The following TARDBP variants were observed in gnomAD, a reference collection of about 807,000 sequenced individuals.
TARDBP encodes the protein TAR DNA binding protein.
A neutral mutation model predicts 38.3 loss-of-function variants in TARDBP; 4 were observed. That is an observed-to-expected ratio of 0.10 (90% confidence interval 0.05 to 0.24). The LOEUF (loss-of-function observed/expected upper bound fraction) is 0.24. Ranked by LOEUF, TARDBP falls within the 10% of genes least tolerant of loss-of-function variation. The pLI is 1.00. For synonymous variants in TARDBP, 184 were observed against 183.8 expected, an observed-to-expected ratio of 1.00 and a Z score of -0.01; for missense variants, 202 against 521.9, an observed-to-expected ratio of 0.39 and a Z score of 5.97.
In TARDBP at chr1:11,016,228, C is replaced by T. The variant is rs148791317; in HGVS notation, c.239-616C>T. 3.0e-3 allele frequency: 460 copies of T among 153,720 alleles called. 6 individuals carry two copies. Among genetic ancestry groups the T allele is most frequent in the African/African-American group, 0.011 (437 of 41,570 alleles). 9.5% of individuals were successfully genotyped at this position (153,720 alleles called of 1,614,324 possible). A position where few individuals can be genotyped will look rare whatever the true frequency, so the allele number is the denominator to read the frequency against. On this transcript the variant is annotated intron_variant, in intron 2 of 5. Transcript: ENST00000240185. ...TGCTGGGATTACAAGTGTGAGCCACCGCGCCCAGCCAGTTATGTTTTTTTA... is the reference window on the plus strand; with the variant it reads ...TGCTGGGATTACAAGTGTGAGCCACTGCGCCCAGCCAGTTATGTTTTTTTA...
At position 11,022,484 on chromosome 1, in the gene TARDBP, A is replaced by G. The variant is rs1252910746; in HGVS notation, c.1075A>G (p.Met359Val). The stretch of plus-strand genomic sequence containing the variant: ...GGGTAATAACCAAAACCAAGGCAAC[A>G]TGCAGAGGGAGCCAAACCAGGCCTT... Reference protein sequence around the residue: ...PSGNNQNQGNMQREPNQAFGS... With the variant: ...PSGNNQNQGNVQREPNQAFGS... Residue 359 changes from methionine to valine, a missense_variant, in exon 6 of 6, where the codon ATG becomes GTG. Around this residue, in one of 5 missense-constraint regions of TARDBP, gnomAD observed 107 missense variants for 190.5 expected, o/e 0.56. Coordinates refer to ENST00000240185, the MANE Select transcript of TARDBP (RefSeq NM_007375.4). This position sits in a 1 kb window ranked among gnomAD's most constrained non-coding sequence, Gnocchi z 4.5. The G allele has an allele frequency of 6.2e-6, 10 of 1,606,408 alleles. No individual in the cohort carries two copies. The highest frequency in any genetic ancestry group is 1.3e-5 in the African/African-American group (1 of 74,884).
intron 4 of TARDBP, among the ~76,000 whole-genome samples, chr1:11,019,724 G>T (rs1007973702): frequency 6.6e-6 from 1 of 151,834 alleles, no homozygotes; most frequent in South Asian, 2.1e-4. Flanking sequence ...CCACCAACAC[G>T]CCTGGCTAAT....
rs902629871 is a variant in TARDBP at position 11,023,908 on chromosome 1, A to C, written c.*1254A>C. The C allele has an allele frequency of 6.6e-6, 1 of 152,662 alleles. No individual in the cohort carries two copies. Among genetic ancestry groups the C allele is most frequent in the Non-Finnish European group, 1.5e-5 (1 of 68,082 alleles). 9.5% of individuals were successfully genotyped at this position (152,662 alleles called of 1,614,324 possible). A position where few individuals can be genotyped will look rare whatever the true frequency, so the allele number is the denominator to read the frequency against. On this transcript the variant is annotated 3_prime_UTR_variant, in exon 6 of 6. Coordinates refer to ENST00000240185, the MANE Select transcript of TARDBP (RefSeq NM_007375.4). Reference sequence around the variant, plus strand: ...GTTCACCAGTGAGCTCAGGTGTCTCAAAGAAGGGTGGAAGTTCTAATGTCT... The same window carrying C: ...GTTCACCAGTGAGCTCAGGTGTCTCCAAGAAGGGTGGAAGTTCTAATGTCT...
chr1:11,020,045 G>A (rs1643606244), intron 4 of TARDBP, among the ~76,000 whole-genome samples: 1 of 151,652 alleles, frequency 6.6e-6, no homozygotes, highest in Non-Finnish European at 1.5e-5. Context: ...TGTATTAGTA[G>A]AGGTGGGGTT....
chr1:11,027,959 C>A (rs1181311224), downstream of TARDBP, among the ~76,000 whole-genome samples: 2 of 152,152 alleles, frequency 1.3e-5, no homozygotes, highest in Non-Finnish European at 2.9e-5. Flanking sequence ...TGCAGTGTCA[C>A]ACCTGTAATC....
chr1:11,017,642 G>T (rs1433691800), intron 3 of TARDBP, among the ~76,000 whole-genome samples: 1 of 152,176 alleles, frequency 6.6e-6, no homozygotes, highest in Non-Finnish European at 1.5e-5. Context: ...AAGGCTTAAG[G>T]GAAGTAGGTG....
downstream of TARDBP, chr1:11,030,333 T>C: frequency 1.1e-6 from 1 of 945,612 alleles, no homozygotes; most frequent in Non-Finnish European, 1.7e-6. Flanking sequence ...TTGAAAAATG[T>C]TGATTCTTGA....
chr1:11,028,217 C>CAGA (rs572388127), downstream of TARDBP, among the ~76,000 whole-genome samples: 2 of 145,106 alleles, frequency 1.4e-5, no homozygotes, highest in African/African-American at 5.1e-5. Context: ...AACTCCATCT[C>CAGA]AAAAAAAAAA....
chr1:11,019,218 CT>C (rs1337472387), intron 4 of TARDBP: 1 of 317,996 alleles, frequency 3.1e-6, no homozygotes, highest in Non-Finnish European at 6.0e-6. Context: ...AAAGACCTAA[CT>C]TTTTCCAAGC....
At chr1:11,019,155 A>C (rs7543605) in intron 4 of TARDBP, 1 of 445,776 alleles carries the variant, frequency 2.2e-6, no homozygotes, top group East Asian at 4.7e-5. Flanking sequence ...AGTTTCTTAC[A>C]TAGTTATATG....
At chr1:11,029,623 A>AT (rs1457928852), downstream of TARDBP, 2 of 115,724 alleles carry the variant, frequency 1.7e-5, no homozygotes, top group Non-Finnish European at 3.7e-5. Context: ...GGTCAAGATA[A>AT]TTTTTAAAAT....
downstream of TARDBP, chr1:11,030,461 T>C (rs1279350848): frequency 3.4e-6 from 2 of 583,526 alleles, no homozygotes; most frequent in Non-Finnish European, 6.0e-6. Flanking sequence ...GTAACTTGAA[T>C]ATGTATCAAG....
Position 11,025,414 on chromosome 1 carries a change from A to G in TARDBP, c.*2760A>G, listed in dbSNP as rs1348115748. 1.3e-5 allele frequency: 2 copies of G among 152,210 alleles called. No individual in the cohort carries two copies. Among genetic ancestry groups the G allele is most frequent in the South Asian group, 4.1e-4 (2 of 4,836 alleles). 9.4% of individuals were successfully genotyped at this position (152,210 alleles called of 1,614,324 possible). A position where few individuals can be genotyped will look rare whatever the true frequency, so the allele number is the denominator to read the frequency against. On this transcript the variant is annotated 3_prime_UTR_variant, in exon 6 of 6. Transcript: ENST00000240185. The stretch of plus-strand genomic sequence containing the variant: ...ATTTGGCAAAGATTTGTTTTTAAAA[A>G]TCTATTTGGTCAATCTAAATGCATT...
downstream of TARDBP, among the ~76,000 whole-genome samples, chr1:11,028,247 A>C (rs12031620): frequency 1.8e-3 from 267 of 152,246 alleles, 6 homozygotes; most frequent in East Asian, 0.039. Context: ...GAAAATTAAC[A>C]GGGCAAGCAG....
Position 11,018,890 on chromosome 1 carries a change from T to C in TARDBP, c.543+17T>C, listed in dbSNP as rs779265860. On this transcript the variant is annotated intron_variant, in intron 4 of 5. Coordinates refer to ENST00000240185, the MANE Select transcript of TARDBP (RefSeq NM_007375.4). ...AATTCTAAGGTACTTGCGTCTGTGCTTTGGGAATTTTTGCCAACAAACTTC... is the reference window on the plus strand; with the variant it reads ...AATTCTAAGGTACTTGCGTCTGTGCCTTGGGAATTTTTGCCAACAAACTTC... 6.2e-7 allele frequency: 1 copy of C among 1,613,970 alleles called. No individual in the cohort carries two copies. Among genetic ancestry groups the C allele is most frequent in the South Asian group, 1.1e-5 (1 of 91,082 alleles).
downstream of TARDBP, among the ~76,000 whole-genome samples, chr1:11,028,105 C>G (rs1009518877): frequency 5.3e-5 from 8 of 151,952 alleles, no homozygotes. Flanking sequence ...ACCTGTAATC[C>G]CAGCCACTTG....
At position 11,022,904 on chromosome 1, in the gene TARDBP, G is replaced by A; in HGVS notation, c.*250G>A. The A allele has an allele frequency of 7.4e-7, 1 of 1,360,374 alleles. No individual in the cohort carries two copies. The highest frequency in any genetic ancestry group is 9.4e-7 in the Non-Finnish European group (1 of 1,058,212). The allele number at this position is 1,360,374 out of a possible 1,614,324, so 84.3% of individuals were successfully genotyped here. The stretch of plus-strand genomic sequence containing the variant: ...AAAGTGAACTGCTGTTTGCCTGATT[G>A]GTAAACCAACACACTACAATTGATA... On this transcript the variant is annotated 3_prime_UTR_variant, in exon 6 of 6. Transcript: ENST00000240185. The surrounding 1 kb of genome is among the most constrained non-coding windows in gnomAD (Gnocchi z 4.5).
In TARDBP at chr1:11,023,504, G is replaced by A. The variant is rs1477013022; in HGVS notation, c.*850G>A. On this transcript the variant is annotated 3_prime_UTR_variant, in exon 6 of 6. Coordinates refer to ENST00000240185, the MANE Select transcript of TARDBP (RefSeq NM_007375.4). ...TATGAGCGAGAAAAGGAGAGAGCGC[G>A]TGCAGAGACTTGGTGGTGCATAATG... 18 of 528,976 alleles carry A rather than the reference G, an allele frequency of 3.4e-5. No homozygotes were observed. The highest frequency in any genetic ancestry group is 1.5e-4 in the East Asian group (5 of 34,110). The allele number at this position is 528,976 out of a possible 1,614,324, so 32.8% of individuals were successfully genotyped here.
downstream of TARDBP, chr1:11,026,821 GTCGCTGCCA>G (rs927720684): frequency 4.6e-5 from 63 of 1,377,280 alleles, no homozygotes; most frequent in African/African-American, 8.8e-4. Context: ...CTCGAGCCAC[GTCGCTGCCA>G]AGGTCTTCAC....
Sources: gnomAD v4.1 joint callset for allele counts (sites outside exome capture counted in the v4.1 genomes callset) on GRCh38, gnomAD v4.1.1 for gene constraint, gnomAD v4.1.1 regional missense constraint, Gnocchi (gnomAD v3.1) non-coding constraint, MANE v1.5 for transcripts, NCBI Gene and HGNC (gene_info 2026-07-23, HGNC 2026-07-21) for gene names.